Variants in HECTD4 observed in about 807,000 individuals in gnomAD.
HECTD4 encodes HECT domain E3 ubiquitin protein ligase 4, also known as probable E3 ubiquitin-protein ligase HECTD4.
A neutral mutation model predicts 471.5 loss-of-function variants in HECTD4; 114 were observed. That is an observed-to-expected ratio of 0.24 (90% CI 0.21 to 0.28). The LOEUF is 0.28. HECTD4 is among the 10% of genes least tolerant of loss of function. The pLI, the probability that HECTD4 is intolerant of heterozygous loss-of-function variation, is 1.00. For synonymous variants in HECTD4, 2,012 were observed against 2,256.0 expected (o/e 0.89, Z 3.07); for missense variants, 3,866 against 5,651.5 (o/e 0.68, Z 10.13).
chr12:112,377,290 C>A (rs925846173), intron 1 of HECTD4, among the ~76,000 whole-genome samples: 1 of 151,246 alleles, frequency 6.6e-6, no homozygotes, highest in Middle Eastern at 3.4e-3. Context: ...AAAAATAAAA[C>A]AAAAAAACGG....
chr12:112,226,373 G>T, intron 44 of HECTD4: 1 of 301,586 alleles, frequency 3.3e-6, no homozygotes, highest in Non-Finnish European at 6.1e-6. Context: ...GTAAATAAAG[G>T]CAACAAATCA....
intron 2 of HECTD4, among the ~76,000 whole-genome samples, chr12:112,317,139 C>A (rs971029374): frequency 6.6e-6 from 1 of 152,190 alleles, no homozygotes; most frequent in African/African-American, 2.4e-5. Flanking sequence ...ACAGTGATAA[C>A]AGATCTTGGA....
At chr12:112,363,940 C>T (rs903255254) in intron 1 of HECTD4, among the ~76,000 whole-genome samples, 3 of 136,222 alleles carry the variant, frequency 2.2e-5, no homozygotes, top group African/African-American at 8.6e-5. Context: ...TGCAGTAAGC[C>T]GAGATCGTAC....
intron 1 of HECTD4, among the ~76,000 whole-genome samples, chr12:112,366,645 C>G (rs1286440930): frequency 6.6e-6 from 1 of 151,344 alleles, no homozygotes; most frequent in Admixed American, 6.6e-5. Flanking sequence ...CTTTGGGAAC[C>G]CAAGGTGGGC....
At chr12:112,207,757 ACT>A (rs2032635841) in intron 52 of HECTD4, 115 bp downstream of exon 52, 1 of 1,141,272 alleles carries the variant, frequency 8.8e-7, no homozygotes, top group Admixed American at 2.6e-5. Context: ...GGTCAAAGAC[ACT>A]GTTAAGTATG....
At chr12:112,320,654 T>A (rs376491366) in intron 1 of HECTD4, among the ~76,000 whole-genome samples, 1 of 151,100 alleles carries the variant, frequency 6.6e-6, no homozygotes, top group Non-Finnish European at 1.5e-5. Flanking sequence ...TGAGCCGAGA[T>A]CGCACCACTG....
intron 53 of HECTD4, 51 bp from the exon 54 acceptor site, chr12:112,203,823 G>A: frequency 1.5e-6 from 2 of 1,315,254 alleles, no homozygotes; most frequent in East Asian, 2.6e-5. Flanking sequence ...CACTGCATCT[G>A]GGTTCTTACA....
intron 11 of HECTD4, among the ~76,000 whole-genome samples, chr12:112,271,613 A>C (rs1490867469): frequency 6.6e-6 from 1 of 151,948 alleles, no homozygotes; most frequent in Non-Finnish European, 1.5e-5. Flanking sequence ...TGTGACCAGT[A>C]CTCCCCAAGT....
chr12:112,204,322 G>A (rs2032514864), intron 53 of HECTD4, among the ~76,000 whole-genome samples, 164 bp downstream of exon 53: 1 of 152,226 alleles, frequency 6.6e-6, no homozygotes, highest in African/African-American at 2.4e-5. Context: ...GGCCCCACCA[G>A]GGTTGCCCTA....
Position 112,170,357 on chromosome 12 carries a change from A to G in HECTD4, c.12028T>C (p.Leu4010=). The G allele has an allele frequency of 6.2e-7, 1 of 1,613,964 alleles. No individual in the cohort carries two copies. The highest frequency in any genetic ancestry group is 8.5e-7 in the Non-Finnish European group (1 of 1,179,886). The change falls in exon 69 of 76, where the codon TTG becomes CTG. Residue 4010 remains leucine (L), a synonymous_variant. Transcript: ENST00000682272. ...CCTCCCACAATTTCCAGTGGGTCCAAGGTGATCTCAGGGGCCGCGTGGTCC... is the reference window on the plus strand; with the variant it reads ...CCTCCCACAATTTCCAGTGGGTCCAGGGTGATCTCAGGGGCCGCGTGGTCC... ...TADHAAPEIT[L]DPLEIVGGEI...
chr12:112,169,786 T>C (rs2031139874), intron 69 of HECTD4, 128 bp from the exon 70 acceptor site: 2 of 1,084,738 alleles, frequency 1.8e-6, no homozygotes, highest in South Asian at 2.6e-5. Flanking sequence ...CTCGGCCCCC[T>C]GTGCCTTCTC....
At chr12:112,224,579 A>G (rs1282860478) in intron 44 of HECTD4, among the ~76,000 whole-genome samples, 1 of 152,094 alleles carries the variant, frequency 6.6e-6, no homozygotes, top group Non-Finnish European at 1.5e-5. Flanking sequence ...GGATTCTTCA[A>G]CTTTACATAG....
intron 1 of HECTD4, among the ~76,000 whole-genome samples, chr12:112,321,374 A>G (rs146786155): frequency 6.6e-6 from 1 of 152,216 alleles, no homozygotes; most frequent in Non-Finnish European, 1.5e-5. Context: ...CAATGCAAAG[A>G]GTTTATGCAC....
intron 1 of HECTD4, among the ~76,000 whole-genome samples, chr12:112,339,554 C>T (rs567254942): frequency 6.6e-6 from 1 of 152,098 alleles, no homozygotes; most frequent in South Asian, 2.1e-4. Flanking sequence ...TATATCTTAA[C>T]TGGATGGTAG....
At chr12:112,189,157 G>T (rs900394907) in intron 60 of HECTD4, among the ~76,000 whole-genome samples, 1 of 152,012 alleles carries the variant, frequency 6.6e-6, no homozygotes, top group Non-Finnish European at 1.5e-5. Context: ...ACTGCGCTTG[G>T]CCCTCCTAGG....
At chr12:112,308,458 C>CAAAA (rs540084785) in intron 6 of HECTD4, among the ~76,000 whole-genome samples, 2 of 114,298 alleles carry the variant, frequency 1.7e-5, no homozygotes, top group Admixed American at 2.1e-4. Context: ...AAAAACAAAA[C>CAAAA]AAAAAAAAAA....
chr12:112,333,499 C>G (rs919296474), intron 1 of HECTD4, among the ~76,000 whole-genome samples: 2 of 152,072 alleles, frequency 1.3e-5, no homozygotes, highest in African/African-American at 4.8e-5. Context: ...ATTTGTATAT[C>G]TTCTTTAGAA....
At chr12:112,379,094 A>G (rs939749566) in intron 1 of HECTD4, among the ~76,000 whole-genome samples, 3 of 152,222 alleles carry the variant, frequency 2.0e-5, no homozygotes, top group Non-Finnish European at 2.9e-5. Flanking sequence ...AATATGAAAA[A>G]GAAACAGTTA....
chr12:112,169,464 C>T, intron 70 of HECTD4, 39 bp downstream of exon 70: 1 of 1,567,374 alleles, frequency 6.4e-7, no homozygotes, highest in Non-Finnish European at 8.6e-7. Context: ...ACACTAAACA[C>T]AGCTCCTCCA....
Sources: gnomAD v4.1 joint callset for allele counts (sites outside exome capture counted in the v4.1 genomes callset) on GRCh38, gnomAD v4.1.1 for gene constraint, MANE v1.5 for transcripts, NCBI Gene and HGNC (gene_info 2026-07-23, HGNC 2026-07-21) for gene names.